Variants in SGCE observed in about 807,000 individuals in gnomAD.
The protein encoded by SGCE is sarcoglycan epsilon.
A neutral mutation model predicts 57.8 loss-of-function variants in SGCE; 26 were observed. That is an observed-to-expected ratio of 0.45 (90% CI 0.33 to 0.62). The LOEUF (loss-of-function observed/expected upper bound fraction) is 0.62, where lower values mean the gene tolerates loss of function less well. Among genes scored for constraint, SGCE ranks in the 20% least tolerant of loss-of-function variants. The pLI, the probability that SGCE is intolerant of heterozygous loss-of-function variation, is 0.02. For missense variants in SGCE, 468 were observed against 548.6 expected (o/e 0.85, Z 1.47); for synonymous variants, 183 against 189.5 (o/e 0.97, Z 0.28).
chr7:94,615,481 T>C (rs887439471), intron 5 of SGCE, among the ~76,000 whole-genome samples: 1 of 152,148 alleles, frequency 6.6e-6, no homozygotes, highest in Non-Finnish European at 1.5e-5. Context: ...CTACTGAAAT[T>C]GGCCCAGGAT....
intron 1 of SGCE, among the ~76,000 whole-genome samples, chr7:94,634,779 T>A (rs749461447): frequency 2.0e-5 from 3 of 152,194 alleles, no homozygotes; most frequent in Non-Finnish European, 2.9e-5. Flanking sequence ...ATGATCTTAC[T>A]ATACTTGAGA....
chr7:94,629,666 T>G, intron 2 of SGCE, 53 bp downstream of exon 2: 1 of 1,588,972 alleles, frequency 6.3e-7, no homozygotes, highest in Non-Finnish European at 8.6e-7. Flanking sequence ...TTATGCAAAT[T>G]AAACAAAAAA....
chr7:94,604,606 A>G (rs1799755312), intron 5 of SGCE, among the ~76,000 whole-genome samples: 1 of 150,756 alleles, frequency 6.6e-6, no homozygotes, highest in African/African-American at 2.4e-5. Flanking sequence ...ACTGATTATC[A>G]TCACAGGTAC....
chr7:94,603,732 C>T (rs1799629972), intron 5 of SGCE, among the ~76,000 whole-genome samples: 1 of 152,004 alleles, frequency 6.6e-6, no homozygotes, highest in Non-Finnish European at 1.5e-5. Context: ...TATTTTCATT[C>T]AATATAAACA....
intron 9 of SGCE, chr7:94,589,302 G>A (rs1380954999): frequency 1.3e-5 from 2 of 156,992 alleles, no homozygotes; most frequent in East Asian, 1.8e-4. Flanking sequence ...CAATCACTTA[G>A]GGACTTTTGA....
intron 1 of SGCE, among the ~76,000 whole-genome samples, chr7:94,635,359 CAA>C (rs1402473658): frequency 6.6e-6 from 1 of 152,056 alleles, no homozygotes; most frequent in Non-Finnish European, 1.5e-5. Context: ...GTTGAGGATA[CAA>C]AGAGAGTACT....
chr7:94,637,621 T>C (rs1805772213), intron 1 of SGCE, among the ~76,000 whole-genome samples: 2 of 152,282 alleles, frequency 1.3e-5, no homozygotes, highest in South Asian at 4.1e-4. Flanking sequence ...GGTCTTGAAA[T>C]GCATTTCCCT....
intron 1 of SGCE, among the ~76,000 whole-genome samples, chr7:94,653,632 T>G (rs1433608332): frequency 6.6e-6 from 1 of 152,088 alleles, no homozygotes; most frequent in African/African-American, 2.4e-5. Context: ...GTTATCTTTC[T>G]GTTTTATTTT....
chr7:94,588,368 C>T, intron 10 of SGCE: 1 of 1,135,336 alleles, frequency 8.8e-7, no homozygotes, highest in South Asian at 2.5e-5. Context: ...TGGATGCATC[C>T]AAGCTAAGAA....
chr7:94,628,686 T>C (rs949437965), intron 2 of SGCE: 1 of 287,086 alleles, frequency 3.5e-6, no homozygotes, highest in Admixed American at 4.9e-5. Flanking sequence ...ATCATGCTAA[T>C]GTACTCATTC....
At chr7:94,635,065 T>G (rs1055241417) in intron 1 of SGCE, among the ~76,000 whole-genome samples, 4 of 152,206 alleles carry the variant, frequency 2.6e-5, no homozygotes, top group Non-Finnish European at 5.9e-5. Context: ...ACAATATAAT[T>G]AATAAGTAAC....
At position 94,623,375 on chromosome 7, in the gene SGCE, G is replaced by T. The variant is rs777335847; in HGVS notation, c.413C>A (p.Thr138Asn). 1 of 1,605,680 alleles carries T rather than the reference G, an allele frequency of 6.2e-7. No individual in the cohort carries two copies. The highest frequency in any genetic ancestry group is 1.1e-5 in the South Asian group (1 of 90,436). ...CAAATTATGCCTTGCAGTCTCAAAG[G>T]TGCGCCTGTTGTAGGCAGTTATCTA... Reference protein sequence around the residue: ...IIEITAYNRRTFETARHNLII... With the variant: ...IIEITAYNRRNFETARHNLII... The change falls in exon 4 of 11, where the codon ACC becomes AAC. Residue 138 changes from threonine (T) to asparagine (N), a missense_variant. Physicochemically the swap from Thr to Asn is moderately conservative, Grantham distance 65. Coordinates refer to ENST00000648936, the MANE Select transcript of SGCE (RefSeq NM_003919.3).
At chr7:94,612,905 C>A (rs1233726096) in intron 5 of SGCE, among the ~76,000 whole-genome samples, 1 of 152,182 alleles carries the variant, frequency 6.6e-6, no homozygotes, top group Non-Finnish European at 1.5e-5. Flanking sequence ...AATCCATCAT[C>A]AGTCTCTGAC....
intron 9 of SGCE, among the ~76,000 whole-genome samples, chr7:94,595,599 A>G (rs1798274823): frequency 6.6e-6 from 1 of 152,046 alleles, no homozygotes; most frequent in African/African-American, 2.4e-5. Flanking sequence ...AAAATATAAT[A>G]TCACATTTTA....
chr7:94,609,016 T>C (rs1800593615), intron 5 of SGCE, among the ~76,000 whole-genome samples: 1 of 152,208 alleles, frequency 6.6e-6, no homozygotes, highest in Non-Finnish European at 1.5e-5. Flanking sequence ...ATGATGATTT[T>C]TTAGTTACAA....
At chr7:94,623,750 A>C (rs1220366305) in intron 3 of SGCE, 6 of 395,868 alleles carry the variant, frequency 1.5e-5, no homozygotes, top group Admixed American at 4.3e-5. Flanking sequence ...AAAAAAAACA[A>C]TAATTTTTGT....
In SGCE at chr7:94,607,027, CA is replaced by C. The variant is rs551344495; in HGVS notation, c.663-3576del. Among the ~76,000 whole-genome samples the C allele has an allele frequency of 1.5e-3, 230 of 151,262 alleles. 3 individuals carry two copies. The South Asian group carries it at 0.017, about 11-fold the overall frequency. The stretch of plus-strand genomic sequence containing the variant: ...TTAGAAAAGAAGAGAGATCTAAAAT[CA>C]ATAATTGAAACCTCCCCCTCAGGAA... On this transcript the variant is annotated intron_variant, in intron 5 of 10. Transcript: ENST00000648936.
intron 1 of SGCE, among the ~76,000 whole-genome samples, chr7:94,642,389 G>A (rs1189202918): frequency 8.5e-5 from 13 of 152,110 alleles, no homozygotes; most frequent in African/African-American, 2.7e-4. Context: ...CACCCCCAGG[G>A]TTTTTCCTGA....
intron 9 of SGCE, chr7:94,598,379 G>C (rs1481084350): frequency 9.3e-6 from 2 of 215,710 alleles, no homozygotes; most frequent in African/African-American, 4.8e-5. Flanking sequence ...AGATTACAAA[G>C]GTCTATGGTA....
Sources: allele counts gnomAD v4.1 joint callset (sites outside exome capture counted in the v4.1 genomes callset), GRCh38; gene constraint gnomAD v4.1.1; transcripts MANE v1.5; gene names NCBI Gene and HGNC (gene_info 2026-07-23, HGNC 2026-07-21).